Variants in MCC observed in about 807,000 individuals in gnomAD.
MCC encodes the protein MCC regulator of Wnt signaling pathway.
MCC carries 90 observed loss-of-function variants against 116.2 expected under a neutral mutation model. That is an observed-to-expected ratio of 0.77 (90% CI 0.65 to 0.92). The LOEUF is 0.92. Among genes scored for constraint, MCC ranks in the 40% least tolerant of loss-of-function variants. MCC has a pLI of 0.00. For synonymous variants in MCC, 578 were observed against 510.5 expected (o/e 1.13, Z -1.78); for missense variants, 1,516 against 1,312.2 (o/e 1.16, Z -2.40).
chr5:113,122,925 A>G, intron 5 of MCC, 99 bp from the exon 6 acceptor site: 1 of 1,293,138 alleles, frequency 7.7e-7, no homozygotes, highest in Non-Finnish European at 1.1e-6. Context: ...TTGAGAGAGA[A>G]AACAGATTTC....
At chr5:113,424,324 A>G (rs1044142937) in intron 1 of MCC, among the ~76,000 whole-genome samples, 8 of 152,194 alleles carry the variant, frequency 5.3e-5, no homozygotes, top group African/African-American at 1.9e-4. Context: ...AACAGAAATA[A>G]TGCTGGAAGA....
intron 17 of MCC, among the ~76,000 whole-genome samples, chr5:113,032,615 T>A (rs949904165): frequency 1.3e-5 from 2 of 152,194 alleles, no homozygotes; most frequent in African/African-American, 4.8e-5. Flanking sequence ...AATTGTTTAA[T>A]GCTGTCAGAG....
chr5:113,246,050 C>T (rs1252479840), intron 3 of MCC, among the ~76,000 whole-genome samples: 1 of 151,746 alleles, frequency 6.6e-6, no homozygotes, highest in Non-Finnish European at 1.5e-5. Context: ...AGATGGGGAA[C>T]AAAAAAGAAT....
At chr5:113,339,236 AAC>A (rs200392613) in intron 3 of MCC, among the ~76,000 whole-genome samples, 8,070 of 148,136 alleles carry the variant, frequency 0.054, 438 homozygotes, top group African/African-American at 0.14. Flanking sequence ...CAAAAAAAAA[AAC>A]AAATAGTTTT....
At chr5:113,442,965 T>C (rs993308845) in intron 1 of MCC, among the ~76,000 whole-genome samples, 1 of 152,192 alleles carries the variant, frequency 6.6e-6, no homozygotes, top group African/African-American at 2.4e-5. Flanking sequence ...TGGCTTAGGA[T>C]TGTTTTGGCT....
At chr5:113,323,494 A>G (rs1767476450) in intron 3 of MCC, among the ~76,000 whole-genome samples, 1 of 152,192 alleles carries the variant, frequency 6.6e-6, no homozygotes, top group Non-Finnish European at 1.5e-5. Flanking sequence ...TGGTGGTAGG[A>G]AGAACAGCAT....
intron 3 of MCC, among the ~76,000 whole-genome samples, chr5:113,153,490 T>G (rs1170911401): frequency 1.3e-5 from 2 of 152,194 alleles, no homozygotes; most frequent in Non-Finnish European, 2.9e-5. Context: ...GATAATACCT[T>G]CTGGCCTACC....
At chr5:113,180,208 T>A (rs918694026) in intron 3 of MCC, among the ~76,000 whole-genome samples, 2 of 152,208 alleles carry the variant, frequency 1.3e-5, no homozygotes, top group African/African-American at 4.8e-5. Context: ...TTATTTGCCA[T>A]GTTCTCATTT....
intron 1 of MCC, among the ~76,000 whole-genome samples, chr5:113,445,404 A>G (rs1179935987): frequency 6.6e-6 from 1 of 152,218 alleles, no homozygotes; most frequent in African/African-American, 2.4e-5. Context: ...GTTTCAGGCT[A>G]CAAAATCAAT....
intron 2 of MCC, among the ~76,000 whole-genome samples, chr5:113,369,435 A>G (rs556738875): frequency 2.4e-4 from 36 of 152,362 alleles, no homozygotes; most frequent in African/African-American, 8.2e-4. Context: ...ATATTTTTCC[A>G]GAGTTTAAAA....
chr5:113,431,779 G>GGGGA (rs1770658778), intron 1 of MCC, among the ~76,000 whole-genome samples: 1 of 132,964 alleles, frequency 7.5e-6, no homozygotes, highest in Non-Finnish European at 1.7e-5. Context: ...GGGGGGGGTG[G>GGGGA]ATCACGAGGT....
At chr5:113,402,251 G>A (rs1272400728) in intron 1 of MCC, among the ~76,000 whole-genome samples, 20 of 140,326 alleles carry the variant, frequency 1.4e-4, no homozygotes, top group Non-Finnish European at 3.0e-5. Flanking sequence ...CTGAGATTGC[G>A]CCACTGCACT....
intron 3 of MCC, among the ~76,000 whole-genome samples, chr5:113,246,393 G>C (rs1428768803): frequency 1.3e-5 from 2 of 152,178 alleles, no homozygotes; most frequent in African/African-American, 4.8e-5. Context: ...AAGTAAAGGG[G>C]AAAAGCCTAC....
At chr5:113,132,346 AG>A (rs1758480759) in intron 5 of MCC, among the ~76,000 whole-genome samples, 1 of 149,812 alleles carries the variant, frequency 6.7e-6, no homozygotes, top group Non-Finnish European at 1.5e-5. Context: ...AAGAGGAAAA[AG>A]AAAAGTGCAT....
At chr5:113,122,236 TG>T (rs1285767581) in intron 6 of MCC, among the ~76,000 whole-genome samples, 1 of 152,232 alleles carries the variant, frequency 6.6e-6, no homozygotes, top group Non-Finnish European at 1.5e-5. Flanking sequence ...AAGGAATATA[TG>T]ATCATTCTCT....
intron 1 of MCC, among the ~76,000 whole-genome samples, chr5:113,465,375 A>T (rs1426853931): frequency 1.3e-5 from 2 of 152,116 alleles, no homozygotes; most frequent in Admixed American, 6.6e-5. Context: ...CATATACACA[A>T]AAATTCCTGA....
chr5:113,170,069 A>G (rs971727668), intron 3 of MCC, among the ~76,000 whole-genome samples: 18 of 152,236 alleles, frequency 1.2e-4, no homozygotes, highest in African/African-American at 3.4e-4. Context: ...CTAAGCTCCA[A>G]TACAAAATTC....
intron 1 of MCC, among the ~76,000 whole-genome samples, chr5:113,413,596 T>A (rs1198083629): frequency 6.6e-6 from 1 of 152,234 alleles, no homozygotes; most frequent in Non-Finnish European, 1.5e-5. Flanking sequence ...TAGTTTGTAT[T>A]TCTGTGGGAT....
Position 113,064,184 on chromosome 5 carries a change from C to A in MCC, c.2030-17G>T. On this transcript the variant is annotated splice_polypyrimidine_tract_variant and intron_variant, in intron 13 of 18. Transcript: ENST00000408903. Reference sequence around the variant, plus strand: ...ACTGGTCTCCTATGTGGCAGAGAAGCCAACGGATTAATCAACATAGGCCTG... The same window carrying A: ...ACTGGTCTCCTATGTGGCAGAGAAGACAACGGATTAATCAACATAGGCCTG... 6.3e-7 allele frequency: 1 copy of A among 1,597,474 alleles called. No homozygotes were observed. The highest frequency in any genetic ancestry group is 8.5e-7 in the Non-Finnish European group (1 of 1,170,144).
Sources: allele counts gnomAD v4.1 joint callset (sites outside exome capture counted in the v4.1 genomes callset), GRCh38; gene constraint gnomAD v4.1.1; transcripts MANE v1.5; gene names NCBI Gene and HGNC (gene_info 2026-07-23, HGNC 2026-07-21).